CMTM4: variants seen among roughly 807,000 people sequenced by gnomAD.
CMTM4 encodes the protein CKLF like MARVEL transmembrane domain containing 4.
A neutral mutation model predicts 19.0 loss-of-function variants in CMTM4; 8 were observed. That is an observed-to-expected ratio of 0.42 (90% CI 0.25 to 0.76). CMTM4 has a LOEUF of 0.76. Ranked by LOEUF, CMTM4 falls within the 30% of genes least tolerant of loss-of-function variation. The pLI, the probability that CMTM4 is intolerant of heterozygous loss-of-function variation, is 0.27. For synonymous variants in CMTM4, 106 were observed against 121.1 expected (o/e 0.88, Z 0.82); for missense variants, 228 against 290.2 (o/e 0.79, Z 1.56).
At chr16:66,693,284 T>G (rs994186771) in intron 1 of CMTM4, among the ~76,000 whole-genome samples, 18 of 152,104 alleles carry the variant, frequency 1.2e-4, no homozygotes, top group Admixed American at 2.6e-4. Flanking sequence ...TCTTGCTACG[T>G]TGCCCAAGCT....
At chr16:66,667,166 A>G (rs1246753790) in intron 1 of CMTM4, among the ~76,000 whole-genome samples, 1 of 151,958 alleles carries the variant, frequency 6.6e-6, no homozygotes, top group Non-Finnish European at 1.5e-5. Context: ...CTCTGCTAAA[A>G]ATACAAAAAT....
chr16:66,683,661 G>A (rs997912044), intron 1 of CMTM4, among the ~76,000 whole-genome samples: 4 of 151,918 alleles, frequency 2.6e-5, no homozygotes, highest in Admixed American at 2.0e-4. Context: ...TTAGACACGG[G>A]ATACAGCAGG....
chr16:66,625,218 T>C (rs2015712083), intron 2 of CMTM4, among the ~76,000 whole-genome samples: 1 of 152,008 alleles, frequency 6.6e-6, no homozygotes, highest in South Asian at 2.1e-4. Context: ...GCGGATCACC[T>C]GAGGTTGGGA....
chr16:66,649,584 T>G (rs113936277), intron 1 of CMTM4, among the ~76,000 whole-genome samples: 73 of 152,260 alleles, frequency 4.8e-4, no homozygotes, highest in African/African-American at 1.6e-3. Context: ...TAATCATGAC[T>G]TATATCACCT....
chr16:66,626,329 C>T (rs1194086393), intron 2 of CMTM4, among the ~76,000 whole-genome samples: 3 of 152,182 alleles, frequency 2.0e-5, no homozygotes, highest in East Asian at 1.9e-4. Context: ...TGTGGCCAGG[C>T]GTGGTGGCTC....
At chr16:66,634,771 CAAAA>C (rs201094160) in intron 2 of CMTM4, among the ~76,000 whole-genome samples, 1 of 147,418 alleles carries the variant, frequency 6.8e-6, no homozygotes, top group African/African-American at 2.5e-5. Context: ...AAAAACCCTG[CAAAA>C]AAAAAAATTA....
At chr16:66,642,394 G>T (rs2016111582) in intron 1 of CMTM4, among the ~76,000 whole-genome samples, 1 of 152,134 alleles carries the variant, frequency 6.6e-6, no homozygotes, top group Admixed American at 6.6e-5. Flanking sequence ...ACTACAAACT[G>T]ACCAGAGTAA....
At chr16:66,641,617 T>C (rs780462224) in intron 1 of CMTM4, among the ~76,000 whole-genome samples, 1 of 152,152 alleles carries the variant, frequency 6.6e-6, no homozygotes, top group African/African-American at 2.4e-5. Flanking sequence ...CAGGATGTAA[T>C]AGCCAAGATT....
the CMTM4 span, among the ~76,000 whole-genome samples, chr16:66,603,676 G>A: frequency 6.6e-6 from 1 of 152,212 alleles, no homozygotes; most frequent in Admixed American, 6.5e-5. Flanking sequence ...GATGGAGTTA[G>A]TTATGTCAAG....
At chr16:66,679,158 C>T (rs541498387) in intron 1 of CMTM4, among the ~76,000 whole-genome samples, 13 of 151,772 alleles carry the variant, frequency 8.6e-5, no homozygotes, top group Non-Finnish European at 1.5e-4. Context: ...AAAACAAGTG[C>T]CAATACTCTG....
At chr16:66,651,820 G>T (rs1428545353) in intron 1 of CMTM4, among the ~76,000 whole-genome samples, 1 of 152,190 alleles carries the variant, frequency 6.6e-6, no homozygotes, top group Admixed American at 6.5e-5. Context: ...CATCCCATGA[G>T]GATGATAAAC....
At chr16:66,599,194 G>A in the CMTM4 span, among the ~76,000 whole-genome samples, 7 of 152,030 alleles carry the variant, frequency 4.6e-5, no homozygotes, top group Admixed American at 3.9e-4. Flanking sequence ...GGAGGCTGAG[G>A]CATGAGAATC....
At chr16:66,669,488 C>T (rs1451534910) in intron 1 of CMTM4, among the ~76,000 whole-genome samples, 4 of 150,690 alleles carry the variant, frequency 2.7e-5, no homozygotes, top group African/African-American at 9.8e-5. Flanking sequence ...AAAAAAAGAG[C>T]ATGTGAAGAC....
chr16:66,688,475 C>G (rs2144921255), intron 1 of CMTM4, among the ~76,000 whole-genome samples: 1 of 152,050 alleles, frequency 6.6e-6, no homozygotes, highest in East Asian at 1.9e-4. Context: ...CCAAAAGTCT[C>G]ATGGCCGATA....
At chr16:66,675,038 T>G (rs2016783851) in intron 1 of CMTM4, among the ~76,000 whole-genome samples, 2 of 150,594 alleles carry the variant, frequency 1.3e-5, no homozygotes, top group South Asian at 2.1e-4. Context: ...CCACCGCACC[T>G]GCCTGGTGCT....
intron 2 of CMTM4, among the ~76,000 whole-genome samples, chr16:66,635,941 A>C (rs745422032): frequency 2.0e-5 from 3 of 150,262 alleles, no homozygotes; most frequent in South Asian, 2.1e-4. Context: ...AAACCACCAA[A>C]CCCCCCCAGG....
intron 1 of CMTM4, among the ~76,000 whole-genome samples, chr16:66,662,727 A>G (rs987958138): frequency 2.6e-5 from 4 of 152,152 alleles, no homozygotes; most frequent in African/African-American, 9.7e-5. Context: ...TGTTCAACAG[A>G]GTAGGGTAAC....
rs1472599796 is a variant in CMTM4 at position 66,619,214 on chromosome 16, A to G, written c.*2844T>C. On this transcript the variant is annotated 3_prime_UTR_variant, in exon 4 of 4. Coordinates refer to ENST00000394106, the MANE Select transcript of CMTM4 (RefSeq NM_181521.3). The stretch of plus-strand genomic sequence containing the variant: ...CAGCAGTGTGAAAGAAGGATATCAA[A>G]GAGAATCAGAGGGAAAAAATACCAA... The G allele has an allele frequency of 1.0e-6, 1 of 985,342 alleles. No homozygotes were observed. The highest frequency in any genetic ancestry group is 1.7e-5 in the African/African-American group (1 of 57,246). The allele number at this position is 985,342 out of a possible 1,614,324, so 61.0% of individuals were successfully genotyped here. A position where few individuals can be genotyped will look rare whatever the true frequency, so the allele number is the denominator to read the frequency against.
downstream of CMTM4, among the ~76,000 whole-genome samples, chr16:66,614,204 C>T (rs1567398473): frequency 3.9e-5 from 6 of 152,246 alleles, no homozygotes. This position sits in a 1 kb window ranked among gnomAD's most constrained non-coding sequence, Gnocchi z 4.9. Context: ...CAGCCTGGCT[C>T]CTAACAGGTC....
Sources: allele counts gnomAD v4.1 joint callset (sites outside exome capture counted in the v4.1 genomes callset), GRCh38; gene constraint gnomAD v4.1.1; non-coding constraint Gnocchi (gnomAD v3.1); transcripts MANE v1.5; gene names NCBI Gene and HGNC (gene_info 2026-07-23, HGNC 2026-07-21).